The following NDUFV3 variants were observed in gnomAD, a reference collection of about 807,000 sequenced individuals.
NDUFV3 encodes the protein NADH dehydrogenase [ubiquinone] flavoprotein 3, mitochondrial.
NDUFV3 carries 44 observed loss-of-function variants against 37.5 expected under a neutral mutation model. That is an observed-to-expected ratio of 1.17 (90% CI 0.92 to 1.51). The LOEUF (loss-of-function observed/expected upper bound fraction) is 1.51. Ranked by LOEUF, NDUFV3 falls within the 40% of genes most tolerant of loss-of-function variation. The pLI is 0.00. For missense variants in NDUFV3, 580 were observed against 580.4 expected (o/e 1.00, Z 0.01); for synonymous variants, 235 against 239.3 (o/e 0.98, Z 0.17).
rs747058700 is a variant in NDUFV3 at position 42,903,706 on chromosome 21, T to A, written c.694T>A (p.Ser232Thr). ...GCCCCACCAGCCAAAGAAGAAAGGG[T>A]CCCCTGCTAAGCCATCAGAAGGCAG... ...EKPHQPKKKG[S>T]PAKPSEGREN... The change falls in exon 3 of 4, where the codon TCC becomes ACC. Residue 232 changes from serine (S) to threonine (T), a missense_variant. Physicochemically the swap from Ser to Thr is moderately conservative, Grantham distance 58 (BLOSUM62 1). Transcript: ENST00000354250. 2 of 1,613,744 alleles carry A rather than the reference T, an allele frequency of 1.2e-6. No homozygotes were observed. The highest frequency in any genetic ancestry group is 1.3e-5 in the African/African-American group (1 of 74,896).
chr21:42,898,263 G>GT (rs367594359), intron 2 of NDUFV3, among the ~76,000 whole-genome samples: 5 of 151,996 alleles, frequency 3.3e-5, no homozygotes, highest in African/African-American at 9.7e-5. Flanking sequence ...TTCAATCATT[G>GT]TTTTTTTCTC....
At chr21:42,907,301 A>G (rs532871776) in intron 3 of NDUFV3, among the ~76,000 whole-genome samples, 15 of 152,242 alleles carry the variant, frequency 9.9e-5, no homozygotes, top group African/African-American at 3.6e-4. Context: ...AAAATTTTTT[A>G]TTTGACAGAC....
At chr21:42,901,319 G>A (rs1271469007) in intron 2 of NDUFV3, among the ~76,000 whole-genome samples, 1 of 152,106 alleles carries the variant, frequency 6.6e-6, no homozygotes, top group Non-Finnish European at 1.5e-5. Flanking sequence ...GTGCATGCTT[G>A]TAGTCCCAGC....
At chr21:42,901,303 G>A (rs549261480) in intron 2 of NDUFV3, among the ~76,000 whole-genome samples, 5 of 152,144 alleles carry the variant, frequency 3.3e-5, no homozygotes, top group South Asian at 4.2e-4. Flanking sequence ...TTAGCCGGGC[G>A]TGGTGGTGCA....
At chr21:42,903,129 C>A in intron 2 of NDUFV3, 53 bp from the exon 3 acceptor site, 1 of 1,608,072 alleles carries the variant, frequency 6.2e-7, no homozygotes. Flanking sequence ...GTAATTTTGA[C>A]TGAGTTTTAA....
rs2058774038 is a variant in NDUFV3, at chr21:42,912,301, G to A, written c.*3280G>A. ...TTGGGCTAGTCTTTCTGGGATTTTG[G>A]TTTACTCTCCTCCACCCATTGGAAG... On this transcript the variant is annotated 3_prime_UTR_variant, in exon 4 of 4. Coordinates refer to ENST00000354250, the MANE Select transcript of NDUFV3 (RefSeq NM_021075.4). 1 of 152,154 alleles carries A rather than the reference G, an allele frequency of 6.6e-6. No homozygotes were observed. The highest frequency in any genetic ancestry group is 2.1e-4 in the South Asian group (1 of 4,826). The allele number at this position is 152,154 out of a possible 1,614,324, so 9.4% of individuals were successfully genotyped here.
At chr21:42,894,487 A>G (rs1240956847) in intron 1 of NDUFV3, among the ~76,000 whole-genome samples, 2 of 85,174 alleles carry the variant, frequency 2.3e-5, no homozygotes, top group African/African-American at 1.1e-4. Context: ...ATATTTATAT[A>G]TTTATATAAT....
rs367688123 is a variant in NDUFV3 at position 42,899,277 on chromosome 21, G to GTATTTTTTTT, written c.169+2231_169+2232insATTTTTTTTT. Among the ~76,000 whole-genome samples the GTATTTTTTTT allele has an allele frequency of 2.1e-4, 30 of 141,148 alleles. 6 individuals are homozygous for GTATTTTTTTT. The highest frequency in any genetic ancestry group is 2.8e-4 in the Admixed American group (4 of 14,298). The allele number at this position is 141,148 out of a possible 152,430, so 92.6% of individuals were successfully genotyped here. ...TCAATACACAGAACAGTTGTATCTTGTTTTTTTTTGAGACAGAGTTTTGCT... is the reference window on the plus strand; with the variant it reads ...TCAATACACAGAACAGTTGTATCTTGTATTTTTTTTTTTTTTTTTGAGACAGAGTTTTGCT... On this transcript the variant is annotated intron_variant, in intron 2 of 3. Coordinates refer to ENST00000354250, the MANE Select transcript of NDUFV3 (RefSeq NM_021075.4).
chr21:42,895,066 A>C (rs1027819597), intron 1 of NDUFV3, among the ~76,000 whole-genome samples: 3 of 152,154 alleles, frequency 2.0e-5, no homozygotes, highest in African/African-American at 4.8e-5. Context: ...ATTTTACAGA[A>C]AGAAACATAG....
intron 2 of NDUFV3, among the ~76,000 whole-genome samples, chr21:42,899,572 A>G (rs1328693753): frequency 6.6e-6 from 1 of 152,032 alleles, no homozygotes; most frequent in Non-Finnish European, 1.5e-5. Flanking sequence ...ATCCTCCCGA[A>G]TAGCTGGGAC....
chr21:42,901,196 GGGAGGCTGAGGTGGGT>G (rs2058716529), intron 2 of NDUFV3, among the ~76,000 whole-genome samples: 2 of 152,060 alleles, frequency 1.3e-5, no homozygotes, highest in Non-Finnish European at 2.9e-5. Flanking sequence ...CCAGCACTTT[GGGAGGCTGAGGTGGGT>G]GGATCACCTG....
intron 2 of NDUFV3, among the ~76,000 whole-genome samples, chr21:42,901,012 T>C (rs536814035): frequency 6.6e-6 from 1 of 152,348 alleles, no homozygotes; most frequent in South Asian, 2.1e-4. Flanking sequence ...AATTTCTGTG[T>C]AGCTTTTTGA....
At chr21:42,902,344 C>T (rs2058720925) in intron 2 of NDUFV3, among the ~76,000 whole-genome samples, 1 of 152,124 alleles carries the variant, frequency 6.6e-6, no homozygotes, top group Admixed American at 6.6e-5. Flanking sequence ...TGTTTAAATG[C>T]ACCTCTGTTT....
rs2058768443 is a variant in NDUFV3 at position 42,910,991 on chromosome 21, C to T, written c.*1970C>T. ...GGCACGGTGGCTTACGCCTGTAATC[C>T]CAGCACTTTGGGAAGCCAAGGCGGA... On this transcript the variant is annotated 3_prime_UTR_variant, in exon 4 of 4. Transcript: ENST00000354250. 1 of 152,388 alleles carries T rather than the reference C, an allele frequency of 6.6e-6. No homozygotes were observed. The highest frequency in any genetic ancestry group is 6.5e-5 in the Admixed American group (1 of 15,274). 9.4% of individuals were successfully genotyped at this position (152,388 alleles called of 1,614,324 possible). A position where few individuals can be genotyped will look rare whatever the true frequency, so the allele number is the denominator to read the frequency against.
In NDUFV3 at chr21:42,904,128, A is replaced by G; in HGVS notation, c.1116A>G (p.Glu372=). ...TGAAGGGTGGACAGGCAATCGTGGA[A>G]GATCAGATACCACCAAGCAATTTGG... is the stretch of plus-strand genomic sequence containing the variant. The part of the protein sequence containing the change: ...GHLKGGQAIV[E]DQIPPSNLET... The change falls in exon 3 of 4, where the codon GAA becomes GAG. Residue 372 remains glutamate, a synonymous_variant. Coordinates refer to ENST00000354250, the MANE Select transcript of NDUFV3 (RefSeq NM_021075.4). 1 of 1,614,246 alleles carries G rather than the reference A, an allele frequency of 6.2e-7. No homozygotes were observed. Among genetic ancestry groups the G allele is most frequent in the Non-Finnish European group, 8.5e-7 (1 of 1,180,040 alleles).
At position 42,912,412 on chromosome 21, in the gene NDUFV3, G is replaced by A. The variant is rs1395830668; in HGVS notation, c.*3391G>A. The stretch of plus-strand genomic sequence containing the variant: ...ATGATTTCTTGATAGTCCATCTGGT[G>A]GCAATACAGTGGTCACCCAAGGGGC... On this transcript the variant is annotated 3_prime_UTR_variant, in exon 4 of 4. Coordinates refer to ENST00000354250, the MANE Select transcript of NDUFV3 (RefSeq NM_021075.4). 1.3e-5 allele frequency: 2 copies of A among 152,160 alleles called. No individual in the cohort carries two copies. 9.4% of individuals were successfully genotyped at this position (152,160 alleles called of 1,614,324 possible).
rs141819655 is a variant in NDUFV3 at position 42,912,467 on chromosome 21, TTC to T, written c.*3448_*3449del. 5,557 of 152,142 alleles carry T rather than the reference TTC, an allele frequency of 0.037. 347 individuals carry two copies. The highest frequency in any genetic ancestry group is 0.13 in the African/African-American group (5,259 of 41,460). The allele number at this position is 152,142 out of a possible 1,614,324, so 9.4% of individuals were successfully genotyped here. On this transcript the variant is annotated 3_prime_UTR_variant, in exon 4 of 4. Coordinates refer to ENST00000354250, the MANE Select transcript of NDUFV3 (RefSeq NM_021075.4). ...GTTTGGGTCTATGTGATTTCCCACGTTCTGTTGGAGGCCGGGCGCAGTGCCTC... is the reference window on the plus strand; with the variant it reads ...GTTTGGGTCTATGTGATTTCCCACGTTGTTGGAGGCCGGGCGCAGTGCCTC...
At chr21:42,904,373 A>G (rs2058732671) in intron 3 of NDUFV3, 97 bp downstream of exon 3, 1 of 1,509,416 alleles carries the variant, frequency 6.6e-7, no homozygotes, top group East Asian at 2.5e-5. Flanking sequence ...TGTTACAATT[A>G]GTCAAATTCT....
At chr21:42,896,797 C>T in intron 1 of NDUFV3, 130 bp from the exon 2 acceptor site, 1 of 861,214 alleles carries the variant, frequency 1.2e-6, no homozygotes, top group Non-Finnish European at 1.7e-6. Flanking sequence ...CATGATTGTG[C>T]CACTGCACTC....
Sources: allele counts gnomAD v4.1 joint callset (sites outside exome capture counted in the v4.1 genomes callset), GRCh38; gene constraint gnomAD v4.1.1; transcripts MANE v1.5; gene names NCBI Gene and HGNC (gene_info 2026-07-23, HGNC 2026-07-21).